LYPD6: variants seen among roughly 807,000 people sequenced by gnomAD.
LYPD6 encodes the protein ly6/PLAUR domain-containing protein 6.
In LYPD6, 15 loss-of-function variants were observed where a neutral mutation model predicts 22.7. The observed-to-expected ratio is 0.66, with a 90% CI of 0.44 to 1.02. The LOEUF (loss-of-function observed/expected upper bound fraction) is 1.02. Ranked by LOEUF, LYPD6 falls within the 50% of genes least tolerant of loss-of-function variation. The pLI is 0.00. For synonymous variants in LYPD6, 72 were observed against 77.5 expected (o/e 0.93, Z 0.37); for missense variants, 189 against 208.4 (o/e 0.91, Z 0.57).
At chr2:149,470,585 C>G in intron 4 of LYPD6, 98 bp from the exon 5 acceptor site, 3 of 1,008,544 alleles carry the variant, frequency 3.0e-6, no homozygotes, top group Non-Finnish European at 3.0e-6. Flanking sequence ...GTAATTTTTA[C>G]TTGCATCTTG....
At chr2:149,446,731 G>T (rs1260371127) in intron 2 of LYPD6, among the ~76,000 whole-genome samples, 4 of 152,142 alleles carry the variant, frequency 2.6e-5, no homozygotes, top group African/African-American at 9.7e-5. Flanking sequence ...CCCATAAAAA[G>T]TTCCGATTAC....
chr2:149,405,052 A>G (rs1682664793), intron 1 of LYPD6, among the ~76,000 whole-genome samples: 2 of 152,164 alleles, frequency 1.3e-5, no homozygotes, highest in Non-Finnish European at 2.9e-5. Flanking sequence ...ATTTGCGTAT[A>G]TTGAACCAGC....
intron 3 of LYPD6, among the ~76,000 whole-genome samples, chr2:149,451,247 G>A (rs756633419): frequency 1.3e-5 from 2 of 152,132 alleles, no homozygotes; most frequent in African/African-American, 2.4e-5. Context: ...AAGACAAAAG[G>A]CGGGGAAGGG....
chr2:149,339,601 G>A (rs1681122274), intron 1 of LYPD6, among the ~76,000 whole-genome samples: 1 of 152,116 alleles, frequency 6.6e-6, no homozygotes, highest in South Asian at 2.1e-4. Flanking sequence ...AAATTCTCAT[G>A]CACAGTTACA....
chr2:149,373,619 G>T (rs558180384), intron 1 of LYPD6, among the ~76,000 whole-genome samples: 1 of 152,200 alleles, frequency 6.6e-6, no homozygotes, highest in African/African-American at 2.4e-5. Flanking sequence ...GTGTTGTTGA[G>T]GAGTCAAGTA....
chr2:149,369,395 T>G (rs1478508589), intron 1 of LYPD6, among the ~76,000 whole-genome samples: 1 of 152,176 alleles, frequency 6.6e-6, no homozygotes, highest in Non-Finnish European at 1.5e-5. Context: ...TCCATTGCTC[T>G]GTGTGGGTGA....
At chr2:149,435,884 A>G (rs1265835619) in intron 1 of LYPD6, among the ~76,000 whole-genome samples, 1 of 152,228 alleles carries the variant, frequency 6.6e-6, no homozygotes, top group African/African-American at 2.4e-5. Context: ...ACAATTTGCC[A>G]ATTAAAAAAG....
chr2:149,458,735 A>T (rs1349341819), intron 3 of LYPD6, among the ~76,000 whole-genome samples: 2 of 152,222 alleles, frequency 1.3e-5, no homozygotes, highest in Non-Finnish European at 2.9e-5. Flanking sequence ...GATATAGAAA[A>T]TATAAAGGAG....
chr2:149,456,447 A>T (rs1573822772), intron 3 of LYPD6, among the ~76,000 whole-genome samples: 1 of 152,190 alleles, frequency 6.6e-6, no homozygotes, highest in Non-Finnish European at 1.5e-5. Context: ...GCTGTTATAG[A>T]CTGACTTGTG....
intron 1 of LYPD6, among the ~76,000 whole-genome samples, chr2:149,391,341 A>G (rs1397998187): frequency 6.6e-6 from 1 of 152,146 alleles, no homozygotes; most frequent in Admixed American, 6.5e-5. Flanking sequence ...ACTACCTTTG[A>G]GCTTTTTCTT....
At chr2:149,432,344 C>A (rs562399352) in intron 1 of LYPD6, among the ~76,000 whole-genome samples, 1 of 152,168 alleles carries the variant, frequency 6.6e-6, no homozygotes, top group African/African-American at 2.4e-5. Flanking sequence ...GTGAAAATCA[C>A]CCAATGTCTA....
At position 149,470,825 on chromosome 2, in the gene LYPD6, G is replaced by C. The variant is rs2105184907; in HGVS notation, c.491G>C (p.Trp164Ser). The C allele has an allele frequency of 1.9e-6, 3 of 1,613,414 alleles. No individual in the cohort carries two copies. Among genetic ancestry groups the C allele is most frequent in the Non-Finnish European group, 2.5e-6 (3 of 1,179,602 alleles). ...ATGTCAGTGATAGTGTCCTGCTTGT[G>C]GTTGTGGTTAGGGCTCATGTTATAG... ...RCMSVIVSCL[W>S]LWLGLML Residue 164 changes from tryptophan (W) to serine (S), a missense_variant, in exon 5 of 5, where the codon TGG (tryptophan) becomes TCG (serine). Transcript: ENST00000334166.
chr2:149,458,275 A>G (rs1681011408), intron 3 of LYPD6, among the ~76,000 whole-genome samples: 1 of 152,148 alleles, frequency 6.6e-6, no homozygotes, highest in Non-Finnish European at 1.5e-5. Context: ...CGTGTTAGGG[A>G]GCCTAGACTT....
At chr2:149,339,756 C>T (rs148506060) in intron 1 of LYPD6, among the ~76,000 whole-genome samples, 2 of 152,218 alleles carry the variant, frequency 1.3e-5, no homozygotes, top group Non-Finnish European at 2.9e-5. Context: ...TGCATTCCCC[C>T]CTGCTCATCC....
intron 3 of LYPD6, among the ~76,000 whole-genome samples, chr2:149,458,729 T>C (rs1294618918): frequency 6.6e-6 from 1 of 152,048 alleles, no homozygotes. Context: ...ATCAAAGATA[T>C]AGAAAATATA....
chr2:149,438,158 A>G (rs1683478442), intron 2 of LYPD6, among the ~76,000 whole-genome samples: 1 of 152,228 alleles, frequency 6.6e-6, no homozygotes, highest in South Asian at 2.1e-4. Context: ...TGTTTGTAAA[A>G]GATCAATCCT....
chr2:149,384,562 A>G (rs957080389), intron 1 of LYPD6, among the ~76,000 whole-genome samples: 9 of 152,240 alleles, frequency 5.9e-5, no homozygotes, highest in African/African-American at 2.2e-4. Flanking sequence ...CATGGCGCCT[A>G]CCACAGAGGT....
chr2:149,395,250 G>A (rs2105102748), intron 1 of LYPD6, among the ~76,000 whole-genome samples: 1 of 152,210 alleles, frequency 6.6e-6, no homozygotes, highest in South Asian at 2.1e-4. Context: ...AGTCAGTTCT[G>A]TTGTTTGTTC....
chr2:149,379,472 C>T (rs1203330525), intron 1 of LYPD6, among the ~76,000 whole-genome samples: 3 of 152,104 alleles, frequency 2.0e-5, no homozygotes, highest in Admixed American at 6.5e-5. Flanking sequence ...TAGAATAGAC[C>T]TTCATTTTAC....
Sources: gnomAD v4.1 joint callset for allele counts (sites outside exome capture counted in the v4.1 genomes callset) on GRCh38, gnomAD v4.1.1 for gene constraint, MANE v1.5 for transcripts, NCBI Gene and HGNC (gene_info 2026-07-23, HGNC 2026-07-21) for gene names.